The following ENAM variants were observed in gnomAD, a reference collection of about 807,000 sequenced individuals.
ENAM encodes amelogenesis imperfecta 2, hypocalcification (autosomal dominant).
A neutral mutation model predicts 33.6 loss-of-function variants in ENAM; 21 were observed. The ratio of observed to expected loss-of-function variants is 0.63; its 90% CI spans 0.44 to 0.90. The LOEUF (loss-of-function observed/expected upper bound fraction) is 0.90, where lower values mean the gene tolerates loss of function less well. ENAM is among the 40% of genes least tolerant of loss of function. ENAM has a pLI of 0.00. For synonymous variants in ENAM, 473 were observed against 468.4 expected (o/e 1.01, Z -0.13); for missense variants, 1,388 against 1,366.9 (o/e 1.02, Z -0.24).
Position 70,643,594 on chromosome 4 carries a change from G to T in ENAM, c.2168G>T (p.Ser723Ile). The change falls in exon 9 of 9, where the codon AGC (serine) becomes ATC (isoleucine). Residue 723 changes from serine to isoleucine, a missense_variant. By Grantham distance (142) the Ser-to-Ile change is moderately radical. Coordinates refer to ENST00000396073, the MANE Select transcript of ENAM (RefSeq NM_031889.3). The stretch of plus-strand genomic sequence containing the variant: ...TATTACAGTGAATTTTACCCATGGA[G>T]CCCGGATGAGAATTTTCCATCATAT... ...DFYYSEFYPW[S>I]PDENFPSYNT... 6.2e-7 allele frequency: 1 copy of T among 1,614,020 alleles called. No individual in the cohort carries two copies. Among genetic ancestry groups the T allele is most frequent in the Non-Finnish European group, 8.5e-7 (1 of 1,180,008 alleles).
intron 2 of ENAM, among the ~76,000 whole-genome samples, chr4:70,630,366 G>A (rs1265213353): frequency 6.6e-6 from 1 of 152,180 alleles, no homozygotes; most frequent in African/African-American, 2.4e-5. Flanking sequence ...TGAAAGGAAT[G>A]AAAACAACTG....
In ENAM at chr4:70,645,508, T is replaced by G. The variant is rs147787859; in HGVS notation, c.*653T>G. The G allele has an allele frequency of 6.6e-6, 1 of 152,386 alleles. No individual in the cohort carries two copies. The highest frequency in any genetic ancestry group is 1.5e-5 in the Non-Finnish European group (1 of 68,228). The allele number at this position is 152,386 out of a possible 1,614,324, so 9.4% of individuals were successfully genotyped here. On this transcript the variant is annotated 3_prime_UTR_variant, in exon 9 of 9. Coordinates refer to ENST00000396073, the MANE Select transcript of ENAM (RefSeq NM_031889.3). ...TTAGCTATTTTAACCATTTCTAGTC[T>G]CTTCTTTATGTCTACCTCCTCCATT...
At chr4:70,638,879 A>T (rs1436185286) in intron 8 of ENAM, among the ~76,000 whole-genome samples, 1 of 146,290 alleles carries the variant, frequency 6.8e-6, no homozygotes, top group African/African-American at 2.5e-5. Flanking sequence ...TGCAACCTCC[A>T]CCTTCTGGAT....
At chr4:70,636,325 A>G (rs1204933282) in intron 7 of ENAM, among the ~76,000 whole-genome samples, 1 of 152,138 alleles carries the variant, frequency 6.6e-6, no homozygotes, top group Non-Finnish European at 1.5e-5. Flanking sequence ...GTTTCTAGCC[A>G]CAGATATATC....
rs760419924 is a variant in ENAM at position 70,637,844 on chromosome 4, G to A, written c.588+1G>A. On this transcript the variant is annotated splice_donor_variant, in intron 8 of 8. Transcript: ENST00000396073. LOFTEE classifies it high-confidence loss of function. ...ACCAATCAGCAATGAAGAAGGGGGGGTAAGTACAAGTAAAACTACATTCTC... is the reference window on the plus strand; with the variant it reads ...ACCAATCAGCAATGAAGAAGGGGGGATAAGTACAAGTAAAACTACATTCTC... The A allele has an allele frequency of 1.9e-6, 3 of 1,605,566 alleles. No individual in the cohort carries two copies. The highest frequency in any genetic ancestry group is 1.7e-6 in the Non-Finnish European group (2 of 1,172,336).
chr4:70,643,848 C>A lies in ENAM; in HGVS notation c.2422C>A (p.Pro808Thr), dbSNP rs754183299. 2 of 1,614,142 alleles carry A rather than the reference C, an allele frequency of 1.2e-6. No homozygotes were observed. The highest frequency in any genetic ancestry group is 1.7e-6 in the Non-Finnish European group (2 of 1,180,022). Residue 808 changes from proline (P) to threonine (T), a missense_variant, in exon 9 of 9, where the codon CCC (proline) becomes ACC (threonine). Pro to Thr is a conservative substitution (Grantham distance 38). Transcript: ENST00000396073. ...GCCACCAGACCAGAAAGGTAACCAGCCCTATTACAGTAACACCCCAGCTGG... is the reference window on the plus strand; with the variant it reads ...GCCACCAGACCAGAAAGGTAACCAGACCTATTACAGTAACACCCCAGCTGG... Reference protein sequence around the residue: ...ARPPDQKGNQPYYSNTPAGLQ... With the variant: ...ARPPDQKGNQTYYSNTPAGLQ...
chr4:70,644,796 C>G lies in ENAM; in HGVS notation c.3370C>G (p.Leu1124Val). ...AGATGAACACAGTCCATTTGAATTCCTTCAAAGAGGGACCAATGTACAGGA... is the reference window on the plus strand; with the variant it reads ...AGATGAACACAGTCCATTTGAATTCGTTCAAAGAGGGACCAATGTACAGGA... ...DADEHSPFEF[L>V]QRGTNVQDQV... is the part of the protein sequence containing the mutation. The change falls in exon 9 of 9, where the codon CTT becomes GTT. Residue 1124 changes from leucine (L) to valine (V), a missense_variant. Leu to Val is a conservative substitution (Grantham distance 32). Transcript: ENST00000396073. The G allele has an allele frequency of 6.2e-7, 1 of 1,614,048 alleles. No homozygotes were observed. The highest frequency in any genetic ancestry group is 8.5e-7 in the Non-Finnish European group (1 of 1,179,948).
At chr4:70,636,768 CAAA>C (rs750591349) in intron 7 of ENAM, among the ~76,000 whole-genome samples, 3 of 86,904 alleles carry the variant, frequency 3.5e-5, no homozygotes, top group Non-Finnish European at 4.8e-5. Context: ...GACTCCGTCT[CAAA>C]AAAAAAAAAA....
chr4:70,637,756 T>C, intron 7 of ENAM, 34 bp from the exon 8 acceptor site: 3 of 1,588,540 alleles, frequency 1.9e-6, no homozygotes, highest in Non-Finnish European at 2.6e-6. Flanking sequence ...GAACGTGGTT[T>C]TCTCCTGTGT....
intron 5 of ENAM, among the ~76,000 whole-genome samples, chr4:70,633,823 T>C (rs1456328348): frequency 2.6e-5 from 4 of 152,330 alleles, no homozygotes; most frequent in Non-Finnish European, 5.9e-5. Flanking sequence ...AGACACCATA[T>C]AAGTGTGTTT....
At chr4:70,637,680 C>T in intron 7 of ENAM, 110 bp from the exon 8 acceptor site, 3 of 831,576 alleles carry the variant, frequency 3.6e-6, no homozygotes, top group Middle Eastern at 2.2e-4. Flanking sequence ...AGAGTACTAA[C>T]TGAGCTCAAT....
chr4:70,636,328 G>C (rs935553385), intron 7 of ENAM, among the ~76,000 whole-genome samples: 16 of 152,118 alleles, frequency 1.1e-4, no homozygotes, highest in Admixed American at 3.3e-4. Flanking sequence ...TCTAGCCACA[G>C]ATATATCATT....
intron 2 of ENAM, among the ~76,000 whole-genome samples, 162 bp downstream of exon 2, chr4:70,629,716 A>G (rs563529697): frequency 1.3e-5 from 2 of 152,168 alleles, no homozygotes; most frequent in Non-Finnish European, 2.9e-5. Flanking sequence ...CAGTCATTGT[A>G]CTTTGTGGCA....
intron 5 of ENAM, 46 bp downstream of exon 5, chr4:70,632,738 G>C: frequency 7.7e-7 from 1 of 1,300,442 alleles, no homozygotes; most frequent in South Asian, 1.2e-5. Flanking sequence ...TGTTTATCTA[G>C]ATAACTCCGT....
intron 8 of ENAM, among the ~76,000 whole-genome samples, chr4:70,638,600 G>C (rs1354196095): frequency 1.3e-5 from 2 of 150,578 alleles, no homozygotes; most frequent in African/African-American, 4.9e-5. Context: ...GGCATTACCT[G>C]CTCTAAGAGG....
Position 70,643,161 on chromosome 4 carries a change from G to A in ENAM, c.1735G>A (p.Asp579Asn). The change falls in exon 9 of 9, where the codon GAT becomes AAT. Residue 579 changes from aspartate to asparagine, a missense_variant. By Grantham distance (23) the Asp-to-Asn change is conservative. Coordinates refer to ENST00000396073, the MANE Select transcript of ENAM (RefSeq NM_031889.3). ...AGAAATCTCTCCACCTTTTAAGGAAGATCCAGGGAGGCAAGAAGAACATTT... is the reference window on the plus strand; with the variant it reads ...AGAAATCTCTCCACCTTTTAAGGAAAATCCAGGGAGGCAAGAAGAACATTT... ...HQEISPPFKEDPGRQEEHLPH... is the reference protein window; with the variant it reads ...HQEISPPFKENPGRQEEHLPH... 12 of 1,613,880 alleles carry A rather than the reference G, an allele frequency of 7.4e-6. No individual in the cohort carries two copies. The highest frequency in any genetic ancestry group is 1.0e-5 in the Non-Finnish European group (12 of 1,179,988).
rs1317109943 is a variant in ENAM, at chr4:70,646,165, T to C, written c.*1310T>C. Reference sequence around the variant, plus strand: ...ATTACTTACAGACACTCTTTCTTGGTATCTTGAATAAATTGTGTAAATTAT... The same window carrying C: ...ATTACTTACAGACACTCTTTCTTGGCATCTTGAATAAATTGTGTAAATTAT... On this transcript the variant is annotated 3_prime_UTR_variant, in exon 9 of 9. Transcript: ENST00000396073. The C allele has an allele frequency of 6.6e-6, 1 of 152,148 alleles. No homozygotes were observed. The highest frequency in any genetic ancestry group is 1.5e-5 in the Non-Finnish European group (1 of 68,026). 9.4% of individuals were successfully genotyped at this position (152,148 alleles called of 1,614,324 possible).
At chr4:70,638,447 TTC>T (rs1738513563) in intron 8 of ENAM, among the ~76,000 whole-genome samples, 1 of 140,536 alleles carries the variant, frequency 7.1e-6, no homozygotes, top group African/African-American at 2.9e-5. Flanking sequence ...CGACAGATTG[TTC>T]TTTTTTTTTT....
In ENAM at chr4:70,643,100, A is replaced by T; in HGVS notation, c.1674A>T (p.Glu558Asp). 6.2e-7 allele frequency: 1 copy of T among 1,614,070 alleles called. No individual in the cohort carries two copies. Among genetic ancestry groups the T allele is most frequent in the East Asian group, 2.2e-5 (1 of 44,858 alleles). The change falls in exon 9 of 9, where the codon GAA (glutamate) becomes GAT (aspartate). Residue 558 changes from glutamate to aspartate, a missense_variant. Physicochemically the swap from Glu to Asp is conservative, Grantham distance 45 (BLOSUM62 2). Transcript: ENST00000396073. ...YPEEIPSPAK[E>D]HFPAGRNTWD... ...AGGAAATCCCTTCTCCTGCAAAAGAACATTTTCCTGCTGGAAGAAATACTT... is the reference window on the plus strand; with the variant it reads ...AGGAAATCCCTTCTCCTGCAAAAGATCATTTTCCTGCTGGAAGAAATACTT...
Sources: gnomAD v4.1 joint callset for allele counts (sites outside exome capture counted in the v4.1 genomes callset) on GRCh38, gnomAD v4.1.1 for gene constraint, MANE v1.5 for transcripts, NCBI Gene and HGNC (gene_info 2026-07-23, HGNC 2026-07-21) for gene names.